The following SNTG1 variants were observed in gnomAD, a reference collection of about 807,000 sequenced individuals.
SNTG1 encodes the protein syntrophin gamma 1, also known as gamma-1-syntrophin.
A neutral mutation model predicts 74.7 loss-of-function variants in SNTG1; 39 were observed. The ratio of observed to expected loss-of-function variants is 0.52; its 90% CI spans 0.40 to 0.68. The LOEUF (loss-of-function observed/expected upper bound fraction) is 0.68, where lower values mean the gene tolerates loss of function less well. SNTG1 is among the 30% of genes least tolerant of loss of function. The probability of loss-of-function intolerance (pLI) is 0.00; values close to 1 mark genes in which losing one functional copy is unlikely to be tolerated. For synonymous variants in SNTG1, 254 were observed against 217.1 expected (o/e 1.17, Z -1.49); for missense variants, 685 against 609.5 (o/e 1.12, Z -1.30).
At chr8:50,379,794 G>T (rs551221699) in intron 2 of SNTG1, among the ~76,000 whole-genome samples, 1 of 152,218 alleles carries the variant, frequency 6.6e-6, no homozygotes. Flanking sequence ...AATGCCTGGC[G>T]GCCATCCCTG....
intron 13 of SNTG1, among the ~76,000 whole-genome samples, chr8:50,639,931 T>C (rs1181942585): frequency 2.6e-5 from 4 of 152,146 alleles, no homozygotes; most frequent in Non-Finnish European, 4.4e-5. Context: ...GGACCAGTTA[T>C]CATATATATC....
chr8:50,630,165 A>G (rs2094986812), intron 13 of SNTG1, among the ~76,000 whole-genome samples: 1 of 152,200 alleles, frequency 6.6e-6, no homozygotes, highest in Non-Finnish European at 1.5e-5. Flanking sequence ...ACCCAAGATC[A>G]TAAAATGAGG....
chr8:50,210,171 T>C lies in SNTG1; in HGVS notation c.-28+37536T>C, dbSNP rs543727246. Among the ~76,000 whole-genome samples the C allele has an allele frequency of 1.8e-3, 275 of 151,876 alleles. 2 individuals are homozygous for C. The highest frequency in any genetic ancestry group is 6.3e-3 in the African/African-American group (259 of 41,434). ...AATGAAATGAAGTGAGAAGAGAAGTTTAGAGAAAAAAGAGTAAAAAGAAAC... is the reference window on the plus strand; with the variant it reads ...AATGAAATGAAGTGAGAAGAGAAGTCTAGAGAAAAAAGAGTAAAAAGAAAC... On this transcript the variant is annotated intron_variant, in intron 2 of 18. Coordinates refer to ENST00000642720, the MANE Select transcript of SNTG1 (RefSeq NM_018967.5).
intron 2 of SNTG1, among the ~76,000 whole-genome samples, chr8:50,349,131 G>A (rs1249522680): frequency 1.3e-5 from 2 of 152,144 alleles, no homozygotes; most frequent in Non-Finnish European, 2.9e-5. Context: ...CTTACTATAT[G>A]ATGAATACAT....
chr8:50,327,656 CTGG>C (rs2090803442), intron 2 of SNTG1, among the ~76,000 whole-genome samples: 2 of 152,080 alleles, frequency 1.3e-5, no homozygotes, highest in Admixed American at 1.3e-4. Flanking sequence ...TGACATTATA[CTGG>C]TTATTGATAC....
intron 18 of SNTG1, among the ~76,000 whole-genome samples, chr8:50,752,862 T>A (rs1264860121): frequency 1.3e-5 from 2 of 152,022 alleles, no homozygotes; most frequent in African/African-American, 4.8e-5. Context: ...TGACTCCTTG[T>A]AGCCTGATGT....
At chr8:50,495,264 C>T (rs1240250402) in intron 8 of SNTG1, among the ~76,000 whole-genome samples, 2 of 151,888 alleles carry the variant, frequency 1.3e-5, no homozygotes, top group East Asian at 1.9e-4. Flanking sequence ...AATTAAAATG[C>T]AGAAAAAAAT....
intron 1 of SNTG1, among the ~76,000 whole-genome samples, chr8:50,158,876 C>T (rs1380542166): frequency 6.6e-6 from 1 of 152,042 alleles, no homozygotes; most frequent in Non-Finnish European, 1.5e-5. Context: ...GATATGGACA[C>T]CTTTAACTTT....
intron 2 of SNTG1, among the ~76,000 whole-genome samples, chr8:50,289,382 T>A (rs964982069): frequency 3.3e-5 from 5 of 152,174 alleles, no homozygotes; most frequent in African/African-American, 7.2e-5. Flanking sequence ...TGCCCATGAT[T>A]CTTTTGTAGC....
chr8:50,144,756 A>T (rs1447769597), intron 1 of SNTG1, among the ~76,000 whole-genome samples: 1 of 152,166 alleles, frequency 6.6e-6, no homozygotes, highest in East Asian at 1.9e-4. Flanking sequence ...CAGTGGGTGG[A>T]TAAACGTTCT....
chr8:50,148,101 C>T (rs1291520492), intron 1 of SNTG1, among the ~76,000 whole-genome samples: 1 of 151,758 alleles, frequency 6.6e-6, no homozygotes, highest in Non-Finnish European at 1.5e-5. Context: ...CGTAACATAG[C>T]GTGTGTGTGT....
intron 9 of SNTG1, among the ~76,000 whole-genome samples, chr8:50,525,893 A>C (rs2130245039): frequency 6.6e-6 from 1 of 151,378 alleles, no homozygotes; most frequent in South Asian, 2.1e-4. Context: ...GTTGCTTCAT[A>C]TGTCTGTGCT....
chr8:50,413,274 A>G (rs1481478), intron 4 of SNTG1, among the ~76,000 whole-genome samples: 4,120 of 152,316 alleles, frequency 0.027, 73 homozygotes, highest in Non-Finnish European at 0.04. Flanking sequence ...GCATAGATGG[A>G]TGACAGATAT....
intron 1 of SNTG1, among the ~76,000 whole-genome samples, chr8:50,107,313 A>T (rs1349956379): frequency 6.6e-6 from 1 of 152,154 alleles, no homozygotes; most frequent in African/African-American, 2.4e-5. Context: ...TGGAAGGAAT[A>T]TTGGCAACAT....
At chr8:50,609,951 C>G (rs1459156114) in intron 13 of SNTG1, among the ~76,000 whole-genome samples, 2 of 151,996 alleles carry the variant, frequency 1.3e-5, no homozygotes, top group Non-Finnish European at 2.9e-5. Context: ...CTAAACAAAA[C>G]TTGTTTTTTC....
At chr8:50,465,540 C>T (rs967894991) in intron 8 of SNTG1, among the ~76,000 whole-genome samples, 2 of 152,236 alleles carry the variant, frequency 1.3e-5, no homozygotes, top group East Asian at 3.9e-4. Flanking sequence ...TGTATGTAGC[C>T]ACTGTTACAA....
chr8:50,256,774 G>A (rs889048418), intron 2 of SNTG1, among the ~76,000 whole-genome samples: 1 of 86,510 alleles, frequency 1.2e-5, no homozygotes, highest in African/African-American at 3.3e-5. Context: ...CTGGAAAAAA[G>A]GGTGTGTGTG....
At chr8:50,324,365 A>T (rs1466234001) in intron 2 of SNTG1, among the ~76,000 whole-genome samples, 1 of 152,310 alleles carries the variant, frequency 6.6e-6, no homozygotes, top group East Asian at 1.9e-4. Context: ...TGGCATTGGC[A>T]ATTTATGACT....
intron 17 of SNTG1, among the ~76,000 whole-genome samples, chr8:50,732,677 T>A (rs1416608023): frequency 6.6e-6 from 1 of 151,934 alleles, no homozygotes; most frequent in Non-Finnish European, 1.5e-5. Flanking sequence ...TATTTAAAAT[T>A]GCTGTACTAA....
Sources: gnomAD v4.1 joint callset for allele counts (sites outside exome capture counted in the v4.1 genomes callset) on GRCh38, gnomAD v4.1.1 for gene constraint, MANE v1.5 for transcripts, NCBI Gene and HGNC (gene_info 2026-07-23, HGNC 2026-07-21) for gene names.